Variants in RGS7 observed in about 807,000 individuals in gnomAD.
RGS7 encodes the protein regulator of G protein signaling 7.
In RGS7, 27 loss-of-function variants were observed where a neutral mutation model predicts 81.1. The ratio of observed to expected loss-of-function variants is 0.33; its 90% CI spans 0.25 to 0.46. The LOEUF is 0.46. RGS7 is among the 20% of genes least tolerant of loss of function. The pLI is 1.00. For missense variants in RGS7, 396 were observed against 607.4 expected (o/e 0.65, Z 3.66); for synonymous variants, 208 against 207.7 (o/e 1.00, Z -0.01).
chr1:241,007,644 G>A (rs1244031202), intron 3 of RGS7, among the ~76,000 whole-genome samples: 1 of 152,220 alleles, frequency 6.6e-6, no homozygotes, highest in African/African-American at 2.4e-5. Flanking sequence ...CGTGGTATGA[G>A]TATGTGTATT....
chr1:240,782,035 T>G (rs1684203546), intron 18 of RGS7, among the ~76,000 whole-genome samples: 1 of 151,964 alleles, frequency 6.6e-6, no homozygotes, highest in Admixed American at 6.5e-5. Context: ...AAAGAGATCT[T>G]AAGTGCAGCA....
chr1:241,019,796 T>TGAATA (rs1477124503), intron 3 of RGS7, among the ~76,000 whole-genome samples: 4 of 152,226 alleles, frequency 2.6e-5, no homozygotes, highest in African/African-American at 9.6e-5. Flanking sequence ...TTTGCTATTG[T>TGAATA]GAATAGTGCC....
chr1:241,016,115 A>G lies in RGS7; in HGVS notation c.176-32986T>C, dbSNP rs1360074262. 2.0e-5 allele frequency among the ~76,000 whole-genome samples: 3 copies of G among 152,376 alleles called. No homozygotes were observed. The South Asian group carries it at 6.2e-4, about 32-fold the overall frequency. Reference sequence around the variant, plus strand: ...TTACCTTATAAGAATATTGGCAGAAATCCTGTGTGGGGTGTGAGGTACGAT... The same window carrying G: ...TTACCTTATAAGAATATTGGCAGAAGTCCTGTGTGGGGTGTGAGGTACGAT... On this transcript the variant is annotated intron_variant, in intron 3 of 18. Coordinates refer to ENST00000440928, the MANE Select transcript of RGS7 (RefSeq NM_001364886.1).
At chr1:241,242,835 T>C (rs903631846) in intron 2 of RGS7, among the ~76,000 whole-genome samples, 1 of 152,196 alleles carries the variant, frequency 6.6e-6, no homozygotes, top group African/African-American at 2.4e-5. Flanking sequence ...GATTGTTTGT[T>C]TTTTCTTCCT....
At chr1:240,944,282 GTATATATATATA>G (rs760788169) in intron 4 of RGS7, among the ~76,000 whole-genome samples, 11,554 of 55,658 alleles carry the variant, frequency 0.21, 1,236 homozygotes, top group Non-Finnish European at 0.24. Flanking sequence ...GTGTGTGTGT[GTATATATATATA>G]TATATATATA....
chr1:240,891,717 A>G (rs1668321834), intron 6 of RGS7, among the ~76,000 whole-genome samples: 1 of 152,226 alleles, frequency 6.6e-6, no homozygotes, highest in South Asian at 2.1e-4. Flanking sequence ...AAGTAGGTAA[A>G]CAATAATTAA....
chr1:240,994,720 C>T (rs1572169395), intron 3 of RGS7, among the ~76,000 whole-genome samples: 1 of 151,894 alleles, frequency 6.6e-6, no homozygotes, highest in Non-Finnish European at 1.5e-5. Context: ...TAAATCCTCA[C>T]CTTGTTCTCA....
intron 7 of RGS7, 55 bp downstream of exon 7, chr1:240,870,000 G>A: frequency 8.0e-6 from 11 of 1,375,364 alleles, no homozygotes; most frequent in Non-Finnish European, 1.1e-5. Flanking sequence ...AAGGCTGTGG[G>A]CCTTACTGCT....
At chr1:241,300,173 G>T (rs901242551) in intron 2 of RGS7, among the ~76,000 whole-genome samples, 1 of 151,592 alleles carries the variant, frequency 6.6e-6, no homozygotes, top group African/African-American at 2.4e-5. Flanking sequence ...TAAGTGGAAA[G>T]TACAGTTTCC....
intron 4 of RGS7, among the ~76,000 whole-genome samples, chr1:240,958,167 T>C (rs1166888697): frequency 1.3e-5 from 2 of 152,222 alleles, no homozygotes; most frequent in African/African-American, 2.4e-5. Flanking sequence ...AAAGTCCTTA[T>C]TGGCATTTGT....
intron 2 of RGS7, among the ~76,000 whole-genome samples, chr1:241,116,409 T>C (rs1393277808): frequency 6.6e-6 from 1 of 152,146 alleles, no homozygotes; most frequent in African/African-American, 2.4e-5. Context: ...TATAGGTTTT[T>C]CTATTAGTGT....
chr1:241,096,340 A>G (rs1235277226), intron 3 of RGS7, among the ~76,000 whole-genome samples: 1 of 152,176 alleles, frequency 6.6e-6, no homozygotes, highest in Non-Finnish European at 1.5e-5. Context: ...GAAAACTTCT[A>G]GTAAAGTGAA....
intron 2 of RGS7, among the ~76,000 whole-genome samples, chr1:241,304,728 G>C (rs1353628852): frequency 6.6e-6 from 1 of 152,154 alleles, no homozygotes; most frequent in Non-Finnish European, 1.5e-5. Flanking sequence ...GACAGCAGTG[G>C]ACATTAATGA....
chr1:241,302,150 G>A (rs2079799633), intron 2 of RGS7, among the ~76,000 whole-genome samples: 1 of 152,244 alleles, frequency 6.6e-6, no homozygotes, highest in Non-Finnish European at 1.5e-5. Flanking sequence ...ACAGCAGCCA[G>A]CGTAGAGGCC....
chr1:240,859,124 T>C (rs1400273862), intron 9 of RGS7, among the ~76,000 whole-genome samples: 1 of 152,190 alleles, frequency 6.6e-6, no homozygotes, highest in African/African-American at 2.4e-5. Context: ...CTTCCTGTCT[T>C]AGAAGGTTAT....
At chr1:241,300,924 C>T (rs964418760) in intron 2 of RGS7, among the ~76,000 whole-genome samples, 25 of 152,190 alleles carry the variant, frequency 1.6e-4, no homozygotes, top group African/African-American at 5.8e-4. Flanking sequence ...CAACATTCAG[C>T]GTTGTCAGTG....
At chr1:241,304,458 T>C (rs1192334040) in intron 2 of RGS7, among the ~76,000 whole-genome samples, 7 of 152,138 alleles carry the variant, frequency 4.6e-5, no homozygotes, top group African/African-American at 7.2e-5. Flanking sequence ...ACTGGAGTTA[T>C]AGATTTTTCC....
intron 4 of RGS7, among the ~76,000 whole-genome samples, chr1:240,972,848 CAAAAA>C (rs35291771): frequency 3.3e-4 from 25 of 74,986 alleles, no homozygotes; most frequent in African/African-American, 9.5e-4. Context: ...CCCCGCCTCT[CAAAAA>C]AAAAAAAAAA....
chr1:241,094,473 T>C (rs1364594295), intron 3 of RGS7, among the ~76,000 whole-genome samples: 1 of 152,114 alleles, frequency 6.6e-6, no homozygotes, highest in Admixed American at 6.5e-5. Context: ...AAGAAGGTAA[T>C]GCTGTGACTG....
Sources: allele counts gnomAD v4.1 joint callset (sites outside exome capture counted in the v4.1 genomes callset), GRCh38; gene constraint gnomAD v4.1.1; transcripts MANE v1.5; gene names NCBI Gene and HGNC (gene_info 2026-07-23, HGNC 2026-07-21).